The following RIMS1 variants were observed in gnomAD, a reference collection of about 807,000 sequenced individuals.
The protein encoded by RIMS1 is regulating synaptic membrane exocytosis 1.
RIMS1 carries 83 observed loss-of-function variants against 214.1 expected under a neutral mutation model. The observed-to-expected ratio is 0.39, with a 90% CI of 0.32 to 0.47. RIMS1 has a LOEUF of 0.47. RIMS1 is among the 20% of genes least tolerant of loss of function. The pLI is 0.99. For synonymous variants in RIMS1, 793 were observed against 786.8 expected (o/e 1.01, Z -0.13); for missense variants, 2,050 against 2,161.8 (o/e 0.95, Z 1.03).
Position 71,886,598 on chromosome 6 carries a change from C to CGCCCCAGCCCCAGCCCCAGCCCCA in RIMS1, c.-419_-418insCCCCAGCCCCAGCCCCAGCCCCAG, listed in dbSNP as rs1301608037. On this transcript the variant is annotated 5_prime_UTR_variant, in exon 1 of 34. Coordinates refer to ENST00000521978, the MANE Select transcript of RIMS1 (RefSeq NM_014989.7). Reference sequence around the variant, plus strand: ...GAGCAGCCTCCACGGCGGCAGCGGCCGCCCCAGTCCCAGCCCCAGCCCCAG... The same window carrying CGCCCCAGCCCCAGCCCCAGCCCCA: ...GAGCAGCCTCCACGGCGGCAGCGGCCGCCCCAGCCCCAGCCCCAGCCCCAGCCCCAGTCCCAGCCCCAGCCCCAG... 6.6e-6 allele frequency: 1 copy of CGCCCCAGCCCCAGCCCCAGCCCCA among 150,496 alleles called. No individual in the cohort carries two copies. Among genetic ancestry groups the CGCCCCAGCCCCAGCCCCAGCCCCA allele is most frequent in the African/African-American group, 2.4e-5 (1 of 41,236 alleles). The allele number at this position is 150,496 out of a possible 1,614,324, so 9.3% of individuals were successfully genotyped here.
intron 2 of RIMS1, among the ~76,000 whole-genome samples, chr6:72,032,541 AGAG>A (rs958734040): frequency 2.0e-5 from 3 of 152,148 alleles, no homozygotes; most frequent in African/African-American, 7.2e-5. Flanking sequence ...GGTTTGTTTA[AGAG>A]GAGTTCTGTC....
chr6:72,251,239 C>T lies in RIMS1; in HGVS notation c.2569C>T (p.Leu857Phe). Residue 857 changes from leucine (L) to phenylalanine (F), a missense_variant, in exon 15 of 34, where the codon CTT becomes TTT. By Grantham distance (22) the Leu-to-Phe change is conservative. Around this residue, in one of 6 missense-constraint regions of RIMS1, gnomAD observed 889 missense variants for 885.5 expected, o/e 1.00. Coordinates refer to ENST00000521978, the MANE Select transcript of RIMS1 (RefSeq NM_014989.7). ...GEILIELETA[L>F]LDDEPHWYKL... The stretch of plus-strand genomic sequence containing the variant: ...GATCCTCATAGAATTGGAGACAGCG[C>T]TTTTAGATGATGAACCGCATTGGTA... The T allele has an allele frequency of 6.3e-7, 1 of 1,598,452 alleles. No homozygotes were observed. Among genetic ancestry groups the T allele is most frequent in the Non-Finnish European group, 8.5e-7 (1 of 1,171,540 alleles).
rs149951410 is a variant in RIMS1, at chr6:72,362,749, C to T, written c.4367-27849C>T. Among the ~76,000 whole-genome samples the T allele has an allele frequency of 5.6e-3, 850 of 152,282 alleles. 5 individuals carry two copies. The highest frequency in any genetic ancestry group is 7.6e-3 in the Non-Finnish European group (518 of 68,024). ...TTCAAAGTTTGATTTCTAACCATCT[C>T]TTCATCTTTATTCATTTATTTATGT... On this transcript the variant is annotated intron_variant, in intron 29 of 33. Coordinates refer to ENST00000521978, the MANE Select transcript of RIMS1 (RefSeq NM_014989.7).
intron 1 of RIMS1, among the ~76,000 whole-genome samples, chr6:71,908,709 CCT>C (rs1388992056): frequency 6.6e-6 from 1 of 152,118 alleles, no homozygotes; most frequent in Admixed American, 6.6e-5. Flanking sequence ...TTGAACACCC[CCT>C]GTTATTTTCC....
Position 72,182,803 on chromosome 6 carries a change from A to G in RIMS1, c.1332A>G (p.Leu444=), listed in dbSNP as rs1282696134. 1 of 1,548,458 alleles carries G rather than the reference A, an allele frequency of 6.5e-7. No homozygotes were observed. Among genetic ancestry groups the G allele is most frequent in the Admixed American group, 1.9e-5 (1 of 51,382 alleles). The change falls in exon 6 of 34, where the codon CTA becomes CTG. Residue 444 remains leucine (L), a synonymous_variant. Transcript: ENST00000521978. ...CCAGGGCGCCGGGCGCCAAGCAGCT[A>G]ACGAACCACAGCCCGCCGGCGCCCA... ...AETRAPGAKQ[L]TNHSPPAPRH...
At chr6:72,144,846 G>T (rs1237306246) in intron 4 of RIMS1, among the ~76,000 whole-genome samples, 1 of 151,560 alleles carries the variant, frequency 6.6e-6, no homozygotes, top group Non-Finnish European at 1.5e-5. Context: ...AGACTAGAAT[G>T]TAATGACAAG....
chr6:71,949,431 AT>A (rs1317251424), intron 1 of RIMS1, among the ~76,000 whole-genome samples: 7 of 152,014 alleles, frequency 4.6e-5, no homozygotes, highest in African/African-American at 1.4e-4. Context: ...GCAACCACCA[AT>A]TTTCTTTTAC....
chr6:71,897,809 A>G (rs1178022738), intron 1 of RIMS1, among the ~76,000 whole-genome samples: 4 of 151,260 alleles, frequency 2.6e-5, no homozygotes, highest in East Asian at 2.0e-4. Context: ...TTAAAATTGT[A>G]TATGGATGGA....
intron 29 of RIMS1, among the ~76,000 whole-genome samples, chr6:72,348,234 A>G (rs1402939289): frequency 5.9e-5 from 9 of 151,926 alleles, no homozygotes; most frequent in Non-Finnish European, 1.3e-4. Context: ...TGAGCTTCGC[A>G]GGCCCGCTTA....
rs1349237048 is a variant in RIMS1, at chr6:72,246,194, TTTGA to T, written c.2128+337_2128+340del. Among the ~76,000 whole-genome samples, 3 of 152,304 alleles carry T rather than the reference TTTGA, an allele frequency of 2.0e-5. No individual in the cohort carries two copies. In the East Asian group the frequency reaches 5.8e-4, roughly 29 times the overall value. ...TTTATTGTGATACTGGATTATTCAG[TTTGA>T]TTGCTAAGCAGCTCAGTCTCAAGAG... On this transcript the variant is annotated intron_variant, in intron 11 of 33. Coordinates refer to ENST00000521978, the MANE Select transcript of RIMS1 (RefSeq NM_014989.7).
At chr6:71,946,061 A>G (rs1275681600) in intron 1 of RIMS1, among the ~76,000 whole-genome samples, 3 of 152,206 alleles carry the variant, frequency 2.0e-5, no homozygotes, top group African/African-American at 7.2e-5. Flanking sequence ...AATCCGATCT[A>G]CACTTGCTTC....
At chr6:72,069,414 G>A (rs990308481) in intron 2 of RIMS1, among the ~76,000 whole-genome samples, 14 of 152,232 alleles carry the variant, frequency 9.2e-5, no homozygotes, top group Non-Finnish European at 1.5e-5. Flanking sequence ...TGTTGAGCCT[G>A]TAAGGGCAAA....
chr6:72,224,696 A>G (rs2059646990), intron 6 of RIMS1, among the ~76,000 whole-genome samples: 1 of 152,204 alleles, frequency 6.6e-6, no homozygotes, highest in African/African-American at 2.4e-5. Context: ...TTAATGAAAC[A>G]TGTATATACA....
chr6:72,079,059 C>T (rs1832630507), intron 2 of RIMS1, among the ~76,000 whole-genome samples: 2 of 152,086 alleles, frequency 1.3e-5, no homozygotes, highest in African/African-American at 4.8e-5. Flanking sequence ...AGAGTTGGAG[C>T]TGTTTTTATT....
chr6:71,964,421 G>T (rs762304598), intron 1 of RIMS1, among the ~76,000 whole-genome samples: 3 of 152,152 alleles, frequency 2.0e-5, no homozygotes, highest in African/African-American at 7.2e-5. Context: ...GAGAACAATA[G>T]TAAATGCTGG....
intron 2 of RIMS1, among the ~76,000 whole-genome samples, chr6:72,044,391 T>A (rs968114288): frequency 6.6e-6 from 1 of 151,902 alleles, no homozygotes; most frequent in African/African-American, 2.4e-5. Flanking sequence ...ATAAATTGTA[T>A]TTCATCAAAA....
intron 2 of RIMS1, among the ~76,000 whole-genome samples, chr6:72,076,124 A>G (rs1033072776): frequency 6.6e-6 from 1 of 152,202 alleles, no homozygotes; most frequent in Non-Finnish European, 1.5e-5. Flanking sequence ...ATTTTAAATG[A>G]CATTAATTGT....
intron 2 of RIMS1, among the ~76,000 whole-genome samples, chr6:72,001,986 C>A (rs1018599062): frequency 1.6e-4 from 25 of 152,040 alleles, no homozygotes; most frequent in African/African-American, 6.0e-4. Flanking sequence ...GTAAGCTGTT[C>A]AAATGACTTT....
intron 23 of RIMS1, among the ~76,000 whole-genome samples, chr6:72,275,007 A>T (rs1343671079): frequency 6.6e-6 from 1 of 151,062 alleles, no homozygotes; most frequent in Non-Finnish European, 1.5e-5. Context: ...TAAAAATAGC[A>T]TCAGTGCTTT....
Sources: gnomAD v4.1 joint callset for allele counts (sites outside exome capture counted in the v4.1 genomes callset) on GRCh38, gnomAD v4.1.1 for gene constraint, gnomAD v4.1.1 regional missense constraint, MANE v1.5 for transcripts, NCBI Gene and HGNC (gene_info 2026-07-23, HGNC 2026-07-21) for gene names.